SINHCAF: variants seen among roughly 807,000 people sequenced by gnomAD.
SINHCAF encodes the protein SIN3-HDAC complex associated factor.
In SINHCAF, 3 loss-of-function variants were observed where a neutral mutation model predicts 25.8. The ratio of observed to expected loss-of-function variants is 0.12; its 90% CI spans 0.05 to 0.30. The LOEUF (loss-of-function observed/expected upper bound fraction) is 0.30, where lower values mean the gene tolerates loss of function less well. Ranked by LOEUF, SINHCAF falls within the 10% of genes least tolerant of loss-of-function variation. The pLI is 1.00. For synonymous variants in SINHCAF, 70 were observed against 85.5 expected (o/e 0.82, Z 1.00); for missense variants, 121 against 262.3 (o/e 0.46, Z 3.72).
At chr12:31,320,729 T>C (rs938272840) in intron 1 of SINHCAF, among the ~76,000 whole-genome samples, 2 of 151,904 alleles carry the variant, frequency 1.3e-5, no homozygotes, top group Admixed American at 1.3e-4. Flanking sequence ...TAAAAAGGAG[T>C]CTTTTTTTAA....
In SINHCAF at chr12:31,298,454, C is replaced by T; in HGVS notation, c.-20-230G>A. ...TATTTAAGGAGGACTCTACTACCTC[C>T]TAACTCGCCTAACAAACATGCAATC... On this transcript the variant is annotated intron_variant, in intron 1 of 5. Transcript: ENST00000337682. 5 of 441,516 alleles carry T rather than the reference C, an allele frequency of 1.1e-5. No homozygotes were observed. In the South Asian group the frequency reaches 1.3e-4, roughly 12 times the overall value. 27.3% of individuals were successfully genotyped at this position (441,516 alleles called of 1,614,324 possible).
At chr12:31,311,621 C>A in intron 1 of SINHCAF, 2 of 366,018 alleles carry the variant, frequency 5.5e-6, no homozygotes, top group Non-Finnish European at 5.3e-6. Flanking sequence ...CCAAGCATGG[C>A]GGCTGCCAAG....
intron 3 of SINHCAF, among the ~76,000 whole-genome samples, chr12:31,294,470 G>A (rs530759247): frequency 6.6e-6 from 1 of 152,240 alleles, no homozygotes; most frequent in South Asian, 2.1e-4. Flanking sequence ...TATTCTTTAT[G>A]CTTTTTTCAC....
At chr12:31,319,268 C>A (rs1160005516) in intron 1 of SINHCAF, among the ~76,000 whole-genome samples, 1 of 152,254 alleles carries the variant, frequency 6.6e-6, no homozygotes, top group Non-Finnish European at 1.5e-5. Flanking sequence ...GTGGCTCACG[C>A]CTGTAATCCC....
chr12:31,294,401 C>T (rs559141725), intron 3 of SINHCAF, among the ~76,000 whole-genome samples: 12 of 152,060 alleles, frequency 7.9e-5, no homozygotes, highest in African/African-American at 2.2e-4. Context: ...TTTCACCAAG[C>T]GAGTAAATGG....
rs1398299929 is a variant in SINHCAF, at chr12:31,326,132, GAT to G, written c.-131_-130del. The G allele has an allele frequency of 1.3e-5, 2 of 152,272 alleles. No homozygotes were observed. Among genetic ancestry groups the G allele is most frequent in the East Asian group, 1.9e-4 (1 of 5,190 alleles). 9.4% of individuals were successfully genotyped at this position (152,272 alleles called of 1,614,324 possible). A position where few individuals can be genotyped will look rare whatever the true frequency, so the allele number is the denominator to read the frequency against. On this transcript the variant is annotated 5_prime_UTR_variant, in exon 1 of 6. Transcript: ENST00000337682. Reference sequence around the variant, plus strand: ...CCTCCTCAACTGCCTTGTCTAGAAAGATAGTCTCCTGCAGTTCTGCAGTTGCT... The same window carrying G: ...CCTCCTCAACTGCCTTGTCTAGAAAGAGTCTCCTGCAGTTCTGCAGTTGCT...
intron 1 of SINHCAF, among the ~76,000 whole-genome samples, chr12:31,319,652 CTTCT>C (rs1939623779): frequency 6.6e-6 from 1 of 152,012 alleles, no homozygotes; most frequent in African/African-American, 2.4e-5. Flanking sequence ...ACCAATCTTT[CTTCT>C]TTCTCTCTTT....
At chr12:31,295,071 G>T (rs1938496141) in intron 3 of SINHCAF, among the ~76,000 whole-genome samples, 163 bp downstream of exon 3, 1 of 152,106 alleles carries the variant, frequency 6.6e-6, no homozygotes, top group African/African-American at 2.4e-5. Flanking sequence ...TTCTAAAGAT[G>T]CCAAAATGTT....
chr12:31,298,984 A>G (rs754160795), intron 1 of SINHCAF, among the ~76,000 whole-genome samples: 2 of 152,062 alleles, frequency 1.3e-5, no homozygotes, highest in Non-Finnish European at 2.9e-5. Flanking sequence ...GAGTAGTAAC[A>G]GTGGGAGGCA....
At chr12:31,282,966 C>T in intron 5 of SINHCAF, 95 bp from the exon 6 acceptor site, 1 of 908,774 alleles carries the variant, frequency 1.1e-6, no homozygotes, top group Non-Finnish European at 1.6e-6. Context: ...TCCAATATAA[C>T]CAAAGAGTTG....
In SINHCAF at chr12:31,281,354, C is replaced by T. The variant is rs571363604; in HGVS notation, c.*1358G>A. ...AAACCAAAACCATTTAATGTGAACA[C>T]AAACCTCTTTTCTTTTAGTAAGTTT... On this transcript the variant is annotated 3_prime_UTR_variant, in exon 6 of 6. Transcript: ENST00000337682. 128 of 152,304 alleles carry T rather than the reference C, an allele frequency of 8.4e-4. 2 individuals carry two copies. The highest frequency in any genetic ancestry group is 2.7e-3 in the African/African-American group (111 of 41,560). 9.4% of individuals were successfully genotyped at this position (152,304 alleles called of 1,614,324 possible).
rs1328977623 is a variant in SINHCAF, at chr12:31,325,982, G to T, written c.-21+42C>A. ...AAAAAAACACTGAAATCAAAGCCTC[G>T]TGAGACAGTTTTGCACTAGAAGCAT... On this transcript the variant is annotated intron_variant, in intron 1 of 5. Transcript: ENST00000337682. This position sits in a 1 kb window ranked among gnomAD's most constrained non-coding sequence, Gnocchi z 5.9. 1 of 151,824 alleles carries T rather than the reference G, an allele frequency of 6.6e-6. No homozygotes were observed. The highest frequency in any genetic ancestry group is 1.5e-5 in the Non-Finnish European group (1 of 67,982). The allele number at this position is 151,824 out of a possible 1,614,324, so 9.4% of individuals were successfully genotyped here.
At chr12:31,319,857 T>C (rs938099823) in intron 1 of SINHCAF, among the ~76,000 whole-genome samples, 3 of 152,146 alleles carry the variant, frequency 2.0e-5, no homozygotes, top group African/African-American at 4.8e-5. Flanking sequence ...TGAGAATTGA[T>C]TATATAATCT....
chr12:31,321,519 C>T (rs1056199617), intron 1 of SINHCAF, among the ~76,000 whole-genome samples: 2 of 152,176 alleles, frequency 1.3e-5, no homozygotes, highest in African/African-American at 4.8e-5. Context: ...GTTGTGAGGA[C>T]AACACAGCTA....
intron 1 of SINHCAF, chr12:31,304,146 C>G (rs1345932477): frequency 6.8e-6 from 1 of 147,552 alleles, no homozygotes; most frequent in Admixed American, 6.7e-5. Context: ...AAGCGCCCTT[C>G]AATTTGCCAG....
intron 5 of SINHCAF, among the ~76,000 whole-genome samples, chr12:31,286,306 AATG>A (rs1451118965): frequency 6.6e-6 from 1 of 152,008 alleles, no homozygotes; most frequent in African/African-American, 2.4e-5. Flanking sequence ...ACCTTAAAGG[AATG>A]TTCAAATTTG....
intron 4 of SINHCAF, among the ~76,000 whole-genome samples, chr12:31,289,289 AACCTAAG>A (rs1279289503): frequency 2.6e-5 from 4 of 152,194 alleles, no homozygotes; most frequent in Non-Finnish European, 5.9e-5. Flanking sequence ...GCGAGACATA[AACCTAAG>A]ACTCAAGAAG....
At chr12:31,310,624 T>C (rs74872010) in intron 1 of SINHCAF, among the ~76,000 whole-genome samples, 3,104 of 152,304 alleles carry the variant, frequency 0.02, 107 homozygotes, top group African/African-American at 0.071. Context: ...GGACAACTGG[T>C]CAGCCAGTTG....
At position 31,302,189 on chromosome 12, in the gene SINHCAF, T is replaced by G. The variant is rs553097195; in HGVS notation, c.-20-3965A>C. ...GGGAAAGAAGAGGAAAATTAAGCTGTGAGATAAAGCCAAAAATCAAGAAAA... is the reference window on the plus strand; with the variant it reads ...GGGAAAGAAGAGGAAAATTAAGCTGGGAGATAAAGCCAAAAATCAAGAAAA... On this transcript the variant is annotated intron_variant, in intron 1 of 5. Coordinates refer to ENST00000337682, the MANE Select transcript of SINHCAF (RefSeq NM_001135812.2). Among the ~76,000 whole-genome samples the G allele has an allele frequency of 4.6e-5, 7 of 152,172 alleles. 1 individual carries two copies. The highest frequency in any genetic ancestry group is 1.7e-4 in the African/African-American group (7 of 41,508).
Sources: gnomAD v4.1 joint callset for allele counts (sites outside exome capture counted in the v4.1 genomes callset) on GRCh38, gnomAD v4.1.1 for gene constraint, Gnocchi (gnomAD v3.1) non-coding constraint, MANE v1.5 for transcripts, NCBI Gene and HGNC (gene_info 2026-07-23, HGNC 2026-07-21) for gene names.